FAM90A1: variants seen among roughly 807,000 people sequenced by gnomAD.
FAM90A1 encodes the protein family with sequence similarity 90 member A1, also known as protein FAM90A1.
FAM90A1 carries 10 observed loss-of-function variants against 14.8 expected under a neutral mutation model. The ratio of observed to expected loss-of-function variants is 0.67; its 90% CI spans 0.42 to 1.14. FAM90A1 has a LOEUF of 1.14. Among genes scored for constraint, FAM90A1 ranks in the 50% most tolerant of loss-of-function variants. FAM90A1 has a pLI of 0.00. For missense variants in FAM90A1, 567 were observed against 602.8 expected (o/e 0.94, Z 0.62); for synonymous variants, 236 against 248.4 (o/e 0.95, Z 0.47).
rs1948817467 is a variant in FAM90A1 at position 8,221,380 on chromosome 12, T to C, written c.*442A>G. 3.3e-6 allele frequency: 1 copy of C among 300,790 alleles called. No individual in the cohort carries two copies. Among genetic ancestry groups the C allele is most frequent in the Non-Finnish European group, 6.3e-6 (1 of 158,454 alleles). 18.6% of individuals were successfully genotyped at this position (300,790 alleles called of 1,614,324 possible). Reference sequence around the variant, plus strand: ...CCCGAGAGCGCTTTGCACAGCGCGCTTCCCAGCGTCCGAAACACTGCTCTC... The same window carrying C: ...CCCGAGAGCGCTTTGCACAGCGCGCCTCCCAGCGTCCGAAACACTGCTCTC... On this transcript the variant is annotated 3_prime_UTR_variant, in exon 7 of 7. Coordinates refer to ENST00000538603, the MANE Select transcript of FAM90A1 (RefSeq NM_018088.3).
chr12:8,225,151 A>C (rs1339135754), intron 3 of FAM90A1, among the ~76,000 whole-genome samples: 2 of 152,244 alleles, frequency 1.3e-5, no homozygotes, highest in African/African-American at 4.8e-5. Flanking sequence ...TCAACCCCAA[A>C]CTAACAACTG....
rs1247368050 is a variant in FAM90A1 at position 8,222,297 on chromosome 12, T to A, written c.920A>T (p.Lys307Ile). 1 of 1,611,208 alleles carries A rather than the reference T, an allele frequency of 6.2e-7. No individual in the cohort carries two copies. Among genetic ancestry groups the A allele is most frequent in the South Asian group, 1.1e-5 (1 of 90,992 alleles). The change falls in exon 7 of 7, where the codon AAA becomes ATA. Residue 307 changes from lysine to isoleucine, a missense_variant. Physicochemically the swap from Lys to Ile is moderately radical, Grantham distance 102 (BLOSUM62 -3). Transcript: ENST00000538603. ...PIQACLNFPK[K>I]PRLGPFQIPE... The stretch of plus-strand genomic sequence containing the variant: ...GATCTGGAAGGGACCCAGTCTCGGT[T>A]TCTTGGGGAAGTTCAGGCAAGCCTG...
In FAM90A1 at chr12:8,222,242, C is replaced by T. The variant is rs1342896555; in HGVS notation, c.975G>A (p.Leu325=). 3.7e-6 allele frequency: 6 copies of T among 1,611,392 alleles called. No homozygotes were observed. Among genetic ancestry groups the T allele is most frequent in the Non-Finnish European group, 3.4e-6 (4 of 1,179,886 alleles). Residue 325 remains leucine, a synonymous_variant, in exon 7 of 7, where the codon CTG becomes CTA. Transcript: ENST00000538603. ...GAGGTTGGAGATTCTCCGGGGCCCC[C>T]AGCTCACCTCCCTGGATGGCGCTTT... ...IPESAIQGGE[L]GAPENLQPPP... is the part of the protein sequence containing the mutation.
intron 3 of FAM90A1, 21 bp from the exon 4 acceptor site, chr12:8,224,909 C>T (rs1479959937): frequency 2.6e-6 from 4 of 1,561,826 alleles, no homozygotes; most frequent in Non-Finnish European, 3.5e-6. Flanking sequence ...CACAAACACA[C>T]ACAAGTCGAT....
intron 6 of FAM90A1, 47 bp from the exon 7 acceptor site, chr12:8,222,831 C>T (rs9300121): frequency 0.64 from 988,290 of 1,542,862 alleles, 306,772 homozygotes; most frequent in Non-Finnish European, 0.7. Flanking sequence ...CAGCATGGAG[C>T]CAACATGAAA....
At position 8,223,526 on chromosome 12, in the gene FAM90A1, G is replaced by A. The variant is rs776640636; in HGVS notation, c.355C>T (p.His119Tyr). 6.3e-7 allele frequency: 1 copy of A among 1,595,102 alleles called. No homozygotes were observed. The highest frequency in any genetic ancestry group is 8.6e-7 in the Non-Finnish European group (1 of 1,164,300). ...PQDPQRKALLHIFSRKPPEKP... is the reference protein window; with the variant it reads ...PQDPQRKALLYIFSRKPPEKP... ...TCTGGAGGTTTCCTGGAAAATATGT[G>A]GAGGAGAGCCTTCCTCTGCGGGTCT... Residue 119 changes from histidine to tyrosine, a missense_variant, in exon 6 of 7, where the codon CAC (histidine) becomes TAC (tyrosine). Transcript: ENST00000538603.
At position 8,227,593 on chromosome 12, in the gene FAM90A1, G is replaced by T. The variant is rs1480354493; in HGVS notation, c.-534C>A. On this transcript the variant is annotated 5_prime_UTR_variant, in exon 1 of 7. Transcript: ENST00000538603. ...GGGGCTCCTGGGTTGCTTCTGGAAG[G>T]GCCCGGATGGGGCCTGACTGGAGCT... The T allele has an allele frequency of 2.6e-6, 4 of 1,517,622 alleles. No homozygotes were observed. In the East Asian group the frequency reaches 9.4e-5, roughly 36 times the overall value. 94.0% of individuals were successfully genotyped at this position (1,517,622 alleles called of 1,614,324 possible). A position where few individuals can be genotyped will look rare whatever the true frequency, so the allele number is the denominator to read the frequency against.
intron 5 of FAM90A1, 88 bp downstream of exon 5, chr12:8,223,928 G>T: frequency 4.5e-6 from 6 of 1,323,750 alleles, no homozygotes; most frequent in South Asian, 3.7e-5. Flanking sequence ...GCCCGGAGAC[G>T]GAAAGGCACA....
rs146601021 is a variant in FAM90A1 at position 8,222,126 on chromosome 12, G to A, written c.1091C>T (p.Pro364Leu). 1.9e-5 allele frequency: 31 copies of A among 1,611,932 alleles called. No individual in the cohort carries two copies. Among genetic ancestry groups the A allele is most frequent in the East Asian group, 4.5e-5 (2 of 44,884 alleles). Residue 364 changes from proline to leucine, a missense_variant, in exon 7 of 7, where the codon CCG becomes CTG. By Grantham distance (98) the Pro-to-Leu change is moderately conservative (BLOSUM62 -3). Coordinates refer to ENST00000538603, the MANE Select transcript of FAM90A1 (RefSeq NM_018088.3). ...AGTAGGCAGGCAAGGTCTGCTGTGC[G>A]GAGGCTGCCGGTCGCCGCTAAGCAC... ...AQVLSGDRQP[P>L]HSRPCLPTAQ...
intron 1 of FAM90A1, among the ~76,000 whole-genome samples, chr12:8,227,156 C>G (rs1342241476): frequency 6.6e-6 from 1 of 152,210 alleles, no homozygotes; most frequent in Non-Finnish European, 1.5e-5. Context: ...GGAAGAGCCC[C>G]TGTCCCTCAG....
At chr12:8,227,248 CCAGCTG>C (rs1333283145) in intron 1 of FAM90A1, among the ~76,000 whole-genome samples, 17 of 152,210 alleles carry the variant, frequency 1.1e-4, no homozygotes, top group Admixed American at 1.0e-3. Context: ...GGGGTCTGGG[CCAGCTG>C]CTGGTCCTGC....
intron 1 of FAM90A1, 27 bp downstream of exon 1, chr12:8,227,453 G>A (rs1948966905): frequency 1.1e-5 from 6 of 541,066 alleles, no homozygotes; most frequent in South Asian, 1.1e-4. Context: ...CACCCAGTGG[G>A]CGGTCGGGTG....
At chr12:8,223,285 C>A (rs1266901437) in intron 6 of FAM90A1, among the ~76,000 whole-genome samples, 164 bp downstream of exon 6, 1 of 152,178 alleles carries the variant, frequency 6.6e-6, no homozygotes, top group Non-Finnish European at 1.5e-5. Context: ...CTTCAGATGC[C>A]TTCGCCTGGA....
rs759559802 is a variant in FAM90A1 at position 8,222,244 on chromosome 12, G to C, written c.973C>G (p.Leu325Val). The change falls in exon 7 of 7, where the codon CTG becomes GTG. Residue 325 changes from leucine to valine, a missense_variant. Physicochemically the swap from Leu to Val is conservative, Grantham distance 32. Coordinates refer to ENST00000538603, the MANE Select transcript of FAM90A1 (RefSeq NM_018088.3). ...GGTTGGAGATTCTCCGGGGCCCCCA[G>C]CTCACCTCCCTGGATGGCGCTTTCG... The part of the protein sequence containing the change: ...IPESAIQGGE[L>V]GAPENLQPPP... 6.2e-7 allele frequency: 1 copy of C among 1,611,368 alleles called. No homozygotes were observed. Among genetic ancestry groups the C allele is most frequent in the Non-Finnish European group, 8.5e-7 (1 of 1,179,890 alleles).
Position 8,222,091 on chromosome 12 carries a change from A to C in FAM90A1, c.1126T>G (p.Cys376Gly), listed in dbSNP as rs1948836862. 4 of 1,609,842 alleles carry C rather than the reference A, an allele frequency of 2.5e-6. No homozygotes were observed. The highest frequency in any genetic ancestry group is 1.7e-6 in the Non-Finnish European group (2 of 1,179,982). ...GCCGCTGGGTGATGGGACATGGTGC[A>C]GGCCTGGGCAGTAGGCAGGCAAGGT... ...SRPCLPTAQA[C>G]TMSHHPAASH... Residue 376 changes from cysteine (C) to glycine (G), a missense_variant, in exon 7 of 7, where the codon TGC (cysteine) becomes GGC (glycine). Coordinates refer to ENST00000538603, the MANE Select transcript of FAM90A1 (RefSeq NM_018088.3).
intron 3 of FAM90A1, among the ~76,000 whole-genome samples, chr12:8,225,486 C>T (rs1482949910): frequency 1.7e-4 from 26 of 152,338 alleles, no homozygotes; most frequent in Non-Finnish European, 1.9e-4. Flanking sequence ...TGGTATTTTA[C>T]GCATGCCACA....
At position 8,225,947 on chromosome 12, in the gene FAM90A1, A is replaced by G. The variant is rs1435165874; in HGVS notation, c.-168T>C. ...CAGGAAGACGGAGGAAGGGGCAGAG[A>G]GGGACCTCTGCTTTCCAGGCTGCCT... On this transcript the variant is annotated 5_prime_UTR_variant, in exon 3 of 7. Transcript: ENST00000538603. 2 of 152,260 alleles carry G rather than the reference A, an allele frequency of 1.3e-5. No individual in the cohort carries two copies. Among genetic ancestry groups the G allele is most frequent in the African/African-American group, 4.8e-5 (2 of 41,470 alleles). 9.4% of individuals were successfully genotyped at this position (152,260 alleles called of 1,614,324 possible).
rs769810148 is a variant in FAM90A1, at chr12:8,222,014, G to A, written c.1203C>T (p.Asn401=). The A allele has an allele frequency of 3.1e-6, 5 of 1,600,260 alleles. No homozygotes were observed. The highest frequency in any genetic ancestry group is 2.2e-5 in the East Asian group (1 of 44,880). The change falls in exon 7 of 7, where the codon AAC becomes AAT. Residue 401 remains asparagine, a synonymous_variant. Transcript: ENST00000538603. ...TCAGCAGGCTGGAGCTCCAGCGTCC[G>A]TTTTCCAGTCTCCGAAAGAGCACTC... is the stretch of plus-strand genomic sequence containing the variant. ...PLRVLFRRLE[N]GRWSSSLLTA... is the part of the protein sequence containing the mutation.
intron 3 of FAM90A1, among the ~76,000 whole-genome samples, 152 bp from the exon 4 acceptor site, chr12:8,225,040 G>T (rs1327743547): frequency 1.3e-5 from 2 of 152,250 alleles, no homozygotes; most frequent in Non-Finnish European, 2.9e-5. Context: ...TGTGCTGTGT[G>T]CATCCTCAGA....
Sources: gnomAD v4.1 joint callset for allele counts (sites outside exome capture counted in the v4.1 genomes callset) on GRCh38, gnomAD v4.1.1 for gene constraint, MANE v1.5 for transcripts, NCBI Gene and HGNC (gene_info 2026-07-23, HGNC 2026-07-21) for gene names.